The following TACC2 variants were observed in gnomAD, a reference collection of about 807,000 sequenced individuals.
The protein encoded by TACC2 is transforming acidic coiled-coil containing protein 2.
In TACC2, 137 loss-of-function variants were observed where a neutral mutation model predicts 227.3. The ratio of observed to expected loss-of-function variants is 0.60; its 90% CI spans 0.52 to 0.69. The LOEUF (loss-of-function observed/expected upper bound fraction) is 0.69. TACC2 is among the 30% of genes least tolerant of loss of function. The pLI is 0.00. For synonymous variants in TACC2, 1,523 were observed against 1,487.5 expected (o/e 1.02, Z -0.55); for missense variants, 3,470 against 3,694.4 (o/e 0.94, Z 1.57).
At chr10:122,041,017 C>A (rs2074189199) in intron 2 of TACC2, among the ~76,000 whole-genome samples, 1 of 152,202 alleles carries the variant, frequency 6.6e-6, no homozygotes, top group Non-Finnish European at 1.5e-5. Flanking sequence ...AGGTTTGCTG[C>A]TGCAGGAGAC....
intron 7 of TACC2, among the ~76,000 whole-genome samples, chr10:122,154,340 G>A (rs1592682477): frequency 6.6e-6 from 1 of 152,234 alleles, no homozygotes; most frequent in Non-Finnish European, 1.5e-5. Flanking sequence ...GGTAGATTCC[G>A]AGGCAGGCAG....
chr10:122,137,354 G>A lies in TACC2; in HGVS notation c.5699+4620G>A, dbSNP rs1035857593. On this transcript the variant is annotated intron_variant, in intron 6 of 22. Transcript: ENST00000369005. ...AAAAATCAGCCGGTTGTGGTGGTGC[G>A]TGCCTGTAGTCCCAGCTACTCAGGA... 1.3e-4 allele frequency among the ~76,000 whole-genome samples: 19 copies of A among 151,938 alleles called. 1 individual carries two copies. Among genetic ancestry groups the A allele is most frequent in the South Asian group, 4.2e-4 (2 of 4,778 alleles).
intron 3 of TACC2, chr10:122,051,569 G>A (rs1168069956): frequency 1.3e-5 from 2 of 152,180 alleles, no homozygotes; most frequent in African/African-American, 4.8e-5. Flanking sequence ...ACAGGCCATG[G>A]ATTTGGTCAG....
At chr10:122,088,142 A>T (rs942524407) in intron 4 of TACC2, among the ~76,000 whole-genome samples, 183 bp downstream of exon 4, 2 of 151,948 alleles carry the variant, frequency 1.3e-5, no homozygotes, top group African/African-American at 2.4e-5. Context: ...AAATGTGAGA[A>T]CCATGGTTGG....
At chr10:122,008,264 A>ATTATTTTTTTTTTTTTTTTTTTTTT in intron 1 of TACC2, among the ~76,000 whole-genome samples, 1 of 134,654 alleles carries the variant, frequency 7.4e-6, no homozygotes, top group African/African-American at 2.8e-5. Flanking sequence ...TATTATTATT[A>ATTATTTTTTTTTTTTTTTTTTTTTT]TTTTTTTTTT....
intron 3 of TACC2, among the ~76,000 whole-genome samples, chr10:122,073,065 A>G (rs2078280872): frequency 7.0e-6 from 1 of 142,782 alleles, no homozygotes; most frequent in Admixed American, 7.3e-5. Context: ...GTGAGCCAAG[A>G]TCACGCCATT....
chr10:122,088,761 TA>T, intron 5 of TACC2, 170 bp downstream of exon 5: 1 of 1,530,774 alleles, frequency 6.5e-7, no homozygotes, highest in South Asian at 1.2e-5. Flanking sequence ...CTGGGATGAC[TA>T]AAAGCTCCAT....
At chr10:122,126,225 C>T (rs1204402589) in intron 5 of TACC2, among the ~76,000 whole-genome samples, 1 of 152,022 alleles carries the variant, frequency 6.6e-6, no homozygotes, top group Non-Finnish European at 1.5e-5. Flanking sequence ...TAAGGGGGGG[C>T]TTTCCCTTCT....
chr10:122,241,669 C>A (rs2095998124), intron 18 of TACC2: 1 of 475,670 alleles, frequency 2.1e-6, no homozygotes, highest in African/African-American at 1.9e-5. Flanking sequence ...CTTAAGTAAT[C>A]CACCAGCCTC....
chr10:122,115,803 G>A (rs890619987), intron 5 of TACC2, among the ~76,000 whole-genome samples: 3 of 152,048 alleles, frequency 2.0e-5, no homozygotes, highest in African/African-American at 4.8e-5. Flanking sequence ...AGCCAAAAGC[G>A]AAGCGTTCTT....
intron 11 of TACC2, among the ~76,000 whole-genome samples, chr10:122,222,783 G>T (rs184937072): frequency 1.3e-5 from 2 of 152,182 alleles, no homozygotes; most frequent in African/African-American, 4.8e-5. Flanking sequence ...TGCTCGTTTG[G>T]TGTGTCCTGG....
intron 6 of TACC2, among the ~76,000 whole-genome samples, chr10:122,139,626 T>G (rs1372807237): frequency 6.6e-6 from 1 of 152,212 alleles, no homozygotes; most frequent in Non-Finnish European, 1.5e-5. Context: ...CTTTCTGCAC[T>G]TTGCATCTCA....
chr10:122,216,798 A>G lies in TACC2; in HGVS notation c.7516A>G (p.Asn2506Asp). The G allele has an allele frequency of 6.2e-7, 1 of 1,614,088 alleles. No homozygotes were observed. Among genetic ancestry groups the G allele is most frequent in the Non-Finnish European group, 8.5e-7 (1 of 1,180,014 alleles). Residue 2506 changes from asparagine to aspartate, a missense_variant, in exon 11 of 23, where the codon AAC becomes GAC. By Grantham distance (23) the Asn-to-Asp change is conservative. This residue lies in a region of TACC2 where 345 missense variants were observed against 354.4 expected (regional missense o/e 0.97). Coordinates refer to ENST00000369005, the MANE Select transcript of TACC2 (RefSeq NM_206862.4). ...PQPSDLSTFV[N>D]ETKFSSPTEE... ...GCCCTCGGACCTGTCCACCTTTGTA[A>G]ACGAGACCAAATTCAGTTCACCCAC...
chr10:122,057,159 T>G (rs1453842574), intron 3 of TACC2, among the ~76,000 whole-genome samples: 3 of 152,166 alleles, frequency 2.0e-5, no homozygotes, highest in Non-Finnish European at 4.4e-5. Flanking sequence ...GCCACTGCAC[T>G]TCAGCTGGGC....
intron 3 of TACC2, among the ~76,000 whole-genome samples, chr10:122,080,568 G>A (rs977550749): frequency 6.6e-6 from 1 of 152,078 alleles, no homozygotes; most frequent in African/African-American, 2.4e-5. Flanking sequence ...AGTCCTATCA[G>A]ATTAGGGCCT....
In TACC2 at chr10:122,226,465, C is replaced by T. The variant is rs1270664849; in HGVS notation, c.7708C>T (p.Pro2570Ser). 6.2e-7 allele frequency: 1 copy of T among 1,613,466 alleles called. No homozygotes were observed. Among genetic ancestry groups the T allele is most frequent in the Non-Finnish European group, 8.5e-7 (1 of 1,179,628 alleles). Reference protein sequence around the residue: ...KSSPVRMSESPTPCSGSSFEE... With the variant: ...KSSPVRMSESSTPCSGSSFEE... ...ATCTCCCGTCCGCATGTCAGAGTCC[C>T]CGACGCCGTGTTCAGGGTATGACTT... is the stretch of plus-strand genomic sequence containing the variant. The change falls in exon 13 of 23, where the codon CCG becomes TCG. Residue 2570 changes from proline to serine, a missense_variant. Pro to Ser is a moderately conservative substitution (Grantham distance 74). This residue lies in a region of TACC2 where 345 missense variants were observed against 354.4 expected (regional missense o/e 0.97). Transcript: ENST00000369005.
chr10:122,085,167 T>C lies in TACC2; in HGVS notation c.2667T>C (p.Thr889=). 2 of 1,614,082 alleles carry C rather than the reference T, an allele frequency of 1.2e-6. No homozygotes were observed. The highest frequency in any genetic ancestry group is 1.7e-6 in the Non-Finnish European group (2 of 1,180,038). ...VEPQEDNNLP[T]HGGQEQALGS... ...CTCAGGAAGATAACAACTTGCCCAC[T>C]CATGGAGGACAGGAGCAGGCTTTGG... Residue 889 remains threonine (T), a synonymous_variant, in exon 4 of 23, where the codon ACT becomes ACC. Coordinates refer to ENST00000369005, the MANE Select transcript of TACC2 (RefSeq NM_206862.4).
intron 7 of TACC2, among the ~76,000 whole-genome samples, chr10:122,191,682 T>A (rs1419632891): frequency 6.6e-6 from 1 of 152,270 alleles, no homozygotes; most frequent in African/African-American, 2.4e-5. Context: ...TTTGCATATT[T>A]ACTTCTGTGG....
intron 3 of TACC2, among the ~76,000 whole-genome samples, chr10:122,056,764 G>A (rs755638060): frequency 6.6e-6 from 1 of 152,178 alleles, no homozygotes; most frequent in Non-Finnish European, 1.5e-5. Flanking sequence ...AGACCCAGGT[G>A]GTGACGTTCA....
Sources: gnomAD v4.1 joint callset for allele counts (sites outside exome capture counted in the v4.1 genomes callset) on GRCh38, gnomAD v4.1.1 for gene constraint, gnomAD v4.1.1 regional missense constraint, MANE v1.5 for transcripts, NCBI Gene and HGNC (gene_info 2026-07-23, HGNC 2026-07-21) for gene names.